The following MACROD2 variants were observed in gnomAD, a reference collection of about 807,000 sequenced individuals.
MACROD2 encodes the protein ADP-ribose glycohydrolase MACROD2.
A neutral mutation model predicts 70.4 loss-of-function variants in MACROD2; 36 were observed. The ratio of observed to expected loss-of-function variants is 0.51; its 90% CI spans 0.39 to 0.68. MACROD2 has a LOEUF of 0.68. Among genes scored for constraint, MACROD2 ranks in the 30% least tolerant of loss-of-function variants. MACROD2 has a pLI of 0.00. For synonymous variants in MACROD2, 172 were observed against 178.8 expected (o/e 0.96, Z 0.30); for missense variants, 496 against 538.4 (o/e 0.92, Z 0.78).
intron 5 of MACROD2, among the ~76,000 whole-genome samples, chr20:14,954,057 C>A (rs928002592): frequency 6.6e-6 from 1 of 152,012 alleles, no homozygotes; most frequent in Admixed American, 6.6e-5. Context: ...TGTTCTAATG[C>A]GGTAAATAGA....
At chr20:15,477,012 C>G (rs1006130441) in intron 7 of MACROD2, among the ~76,000 whole-genome samples, 1 of 151,636 alleles carries the variant, frequency 6.6e-6, no homozygotes, top group African/African-American at 2.4e-5. Context: ...ATGGCATCTT[C>G]TAGATTTCCG....
chr20:14,434,693 T>C (rs1367018417), intron 3 of MACROD2, among the ~76,000 whole-genome samples: 2 of 152,166 alleles, frequency 1.3e-5, no homozygotes, highest in Admixed American at 1.3e-4. Flanking sequence ...TGTTTTTCCT[T>C]TTTTCAAAAT....
intron 5 of MACROD2, among the ~76,000 whole-genome samples, chr20:14,980,295 A>C (rs2074785259): frequency 6.6e-6 from 1 of 152,134 alleles, no homozygotes; most frequent in Admixed American, 6.5e-5. Context: ...CAGGAGTGAC[A>C]CTGGTGACTT....
At chr20:14,952,512 G>T (rs1218803583) in intron 5 of MACROD2, among the ~76,000 whole-genome samples, 1 of 152,010 alleles carries the variant, frequency 6.6e-6, no homozygotes, top group Non-Finnish European at 1.5e-5. Context: ...CCTTATGCAG[G>T]GAACAACTTA....
chr20:15,668,531 G>T (rs989367689), intron 8 of MACROD2, among the ~76,000 whole-genome samples: 2 of 151,750 alleles, frequency 1.3e-5, no homozygotes, highest in African/African-American at 2.4e-5. Flanking sequence ...TCATGCCACT[G>T]CACTCCAGCC....
At chr20:14,101,421 A>C (rs942273700) in intron 3 of MACROD2, among the ~76,000 whole-genome samples, 1 of 152,076 alleles carries the variant, frequency 6.6e-6, no homozygotes, top group African/African-American at 2.4e-5. Context: ...GAGTTATCTT[A>C]ATAAATATAA....
intron 5 of MACROD2, among the ~76,000 whole-genome samples, chr20:15,000,071 G>A (rs753403441): frequency 6.6e-6 from 1 of 152,118 alleles, no homozygotes; most frequent in Non-Finnish European, 1.5e-5. Flanking sequence ...AATTTGACTG[G>A]GAACCAAGAG....
At chr20:14,725,542 A>G (rs76101471) in intron 5 of MACROD2, among the ~76,000 whole-genome samples, 5,269 of 152,166 alleles carry the variant, frequency 0.035, 327 homozygotes, top group African/African-American at 0.12. Flanking sequence ...AAATGTTGAT[A>G]TATTATGTGT....
intron 8 of MACROD2, among the ~76,000 whole-genome samples, chr20:15,737,861 T>TGGAC (rs2051046342): frequency 6.8e-6 from 1 of 148,108 alleles, no homozygotes; most frequent in East Asian, 1.9e-4. Flanking sequence ...AATAAATCAA[T>TGGAC]GGATGGATGG....
intron 5 of MACROD2, among the ~76,000 whole-genome samples, chr20:15,137,862 C>A (rs531655784): frequency 2.5e-4 from 38 of 152,130 alleles, no homozygotes; most frequent in African/African-American, 8.4e-4. Context: ...TAGTGCCTGC[C>A]TTTGGAAAAA....
chr20:14,988,164 G>A (rs1455338784), intron 5 of MACROD2, among the ~76,000 whole-genome samples: 3 of 152,018 alleles, frequency 2.0e-5, no homozygotes, highest in Non-Finnish European at 4.4e-5. Flanking sequence ...AGGAGTTCGA[G>A]ATGAGCCTGG....
rs563859936 is a variant in MACROD2, at chr20:14,533,840, G to A, written c.301+40332G>A. Among the ~76,000 whole-genome samples the A allele has an allele frequency of 6.7e-4, 102 of 152,252 alleles. 3 individuals carry two copies. In the South Asian group the frequency reaches 0.021, roughly 31 times the overall value. On this transcript the variant is annotated intron_variant, in intron 4 of 17. Transcript: ENST00000684519. ...AGAATTTGAGAGCCTTCTTACCTGT[G>A]TTTGGACATTCATTTTTTGGATATA...
chr20:15,596,886 C>T (rs2048752853), intron 8 of MACROD2, among the ~76,000 whole-genome samples: 1 of 152,196 alleles, frequency 6.6e-6, no homozygotes, highest in Non-Finnish European at 1.5e-5. Flanking sequence ...TGCATATTCT[C>T]TCAATGGCAG....
chr20:15,192,892 T>C (rs566487195), intron 5 of MACROD2, among the ~76,000 whole-genome samples: 2 of 152,356 alleles, frequency 1.3e-5, no homozygotes, highest in Admixed American at 6.5e-5. Context: ...TAGTTTGCAA[T>C]GTTCCTAACA....
chr20:15,982,670 A>G (rs1190368601), intron 13 of MACROD2, among the ~76,000 whole-genome samples: 2 of 152,302 alleles, frequency 1.3e-5, no homozygotes, highest in East Asian at 3.9e-4. Flanking sequence ...CTCTGATACC[A>G]GGAGTAAGGT....
At chr20:15,340,217 C>A (rs191650578) in intron 6 of MACROD2, among the ~76,000 whole-genome samples, 8 of 141,806 alleles carry the variant, frequency 5.6e-5, no homozygotes, top group African/African-American at 2.1e-4. Context: ...CGGCTCACTG[C>A]AACCTCTGCC....
chr20:14,807,462 A>G (rs1178242329), intron 5 of MACROD2, among the ~76,000 whole-genome samples: 2 of 152,158 alleles, frequency 1.3e-5, no homozygotes, highest in Non-Finnish European at 2.9e-5. Flanking sequence ...GGCCAAAGGT[A>G]GATAAACCCA....
At position 15,236,103 on chromosome 20, in the gene MACROD2, A is replaced by G. The variant is rs77038565; in HGVS notation, c.540+6042A>G. Among the ~76,000 whole-genome samples, 683 of 152,320 alleles carry G rather than the reference A, an allele frequency of 4.5e-3. 3 individuals are homozygous for G. The highest frequency in any genetic ancestry group is 0.016 in the African/African-American group (666 of 41,580). The stretch of plus-strand genomic sequence containing the variant: ...TTACAGCAGTGTATTCCTATACATC[A>G]TCTCATTTATTTTTCAAATTCTCTA... On this transcript the variant is annotated intron_variant, in intron 6 of 17. Transcript: ENST00000684519.
intron 8 of MACROD2, among the ~76,000 whole-genome samples, chr20:15,754,705 T>C (rs1487687397): frequency 2.1e-5 from 3 of 145,222 alleles, no homozygotes; most frequent in East Asian, 4.1e-4. Context: ...TTTTTTTAAG[T>C]GCCATCTAAA....
Sources: gnomAD v4.1 joint callset for allele counts (sites outside exome capture counted in the v4.1 genomes callset) on GRCh38, gnomAD v4.1.1 for gene constraint, MANE v1.5 for transcripts, NCBI Gene and HGNC (gene_info 2026-07-23, HGNC 2026-07-21) for gene names.